Variants in NECTIN4 observed in about 807,000 individuals in gnomAD.
The protein encoded by NECTIN4 is nectin cell adhesion molecule 4.
A neutral mutation model predicts 51.7 loss-of-function variants in NECTIN4; 19 were observed. The observed-to-expected ratio is 0.37, with a 90% CI of 0.26 to 0.54. NECTIN4 has a LOEUF of 0.54. Ranked by LOEUF, NECTIN4 falls within the 20% of genes least tolerant of loss-of-function variation. The pLI is 0.86. For missense variants in NECTIN4, 619 were observed against 662.4 expected, an observed-to-expected ratio of 0.93 and a Z score of 0.72; for synonymous variants, 283 against 286.9, an observed-to-expected ratio of 0.99 and a Z score of 0.14.
chr1:161,073,224 C>G lies in NECTIN4; in HGVS notation c.1308+1G>C. Reference sequence around the variant, plus strand: ...GACACCGGTGGGGCCGGGGGCCTCACCATCACAGAGCAGCTACTGTTGTCC... The same window carrying G: ...GACACCGGTGGGGCCGGGGGCCTCAGCATCACAGAGCAGCTACTGTTGTCC... On this transcript the variant is annotated splice_donor_variant, in intron 8 of 8. Transcript: ENST00000368012. LOFTEE classifies it high-confidence loss of function. 6.2e-7 allele frequency: 1 copy of G among 1,613,850 alleles called. No homozygotes were observed. The highest frequency in any genetic ancestry group is 8.5e-7 in the Non-Finnish European group (1 of 1,179,756).
chr1:161,074,279 C>G lies in NECTIN4; in HGVS notation c.1095G>C (p.Val365=). 1 of 1,614,110 alleles carries G rather than the reference C, an allele frequency of 6.2e-7. No individual in the cohort carries two copies. Among genetic ancestry groups the G allele is most frequent in the Non-Finnish European group, 8.5e-7 (1 of 1,180,008 alleles). Reference sequence around the variant, plus strand: ...ATCGGGACATGAGCACCACCACCACCACCAGAAGGCAGAACAAGAGTGCGG... The same window carrying G: ...ATCGGGACATGAGCACCACCACCACGACCAGAAGGCAGAACAAGAGTGCGG... ...VIAALLFCLL[V]VVVVLMSRYH... The change falls in exon 6 of 9, where the codon GTG becomes GTC. Residue 365 remains valine, a synonymous_variant. Transcript: ENST00000368012.
chr1:161,089,535 C>T lies in NECTIN4; in HGVS notation c.-239G>A, dbSNP rs1446405758. On this transcript the variant is annotated 5_prime_UTR_variant, in exon 1 of 9. Transcript: ENST00000368012. The surrounding 1 kb of genome is among the most constrained non-coding windows in gnomAD (Gnocchi z 4.1). ...TCCGAGCTCCCCCAGAGCTGCTTCCCACGCTGTGGCCAACAACGACGGCAG... is the reference window on the plus strand; with the variant it reads ...TCCGAGCTCCCCCAGAGCTGCTTCCTACGCTGTGGCCAACAACGACGGCAG... 1 of 563,752 alleles carries T rather than the reference C, an allele frequency of 1.8e-6. No individual in the cohort carries two copies. Among genetic ancestry groups the T allele is most frequent in the African/African-American group, 1.9e-5 (1 of 52,978 alleles). The allele number at this position is 563,752 out of a possible 1,614,324, so 34.9% of individuals were successfully genotyped here.
rs1196547872 is a variant in NECTIN4, at chr1:161,072,702, C to T, written c.1492G>A (p.Gly498Ser). The T allele has an allele frequency of 2.5e-6, 4 of 1,614,080 alleles. No homozygotes were observed. In the South Asian group the frequency reaches 4.4e-5, roughly 18 times the overall value. ...ENGTLRAKPT[G>S]NGIYINGRGH... Reference sequence around the variant, plus strand: ...CGCCCATTGATGTAGATGCCATTGCCCGTGGGCTTGGCCCGTAGGGTCCCA... The same window carrying T: ...CGCCCATTGATGTAGATGCCATTGCTCGTGGGCTTGGCCCGTAGGGTCCCA... Residue 498 changes from glycine to serine, a missense_variant, in exon 9 of 9, where the codon GGC becomes AGC. By Grantham distance (56) the Gly-to-Ser change is moderately conservative. Transcript: ENST00000368012.
chr1:161,084,524 A>T (rs540484590), intron 1 of NECTIN4: 2 of 152,394 alleles, frequency 1.3e-5, no homozygotes, highest in Admixed American at 6.5e-5. Flanking sequence ...ACTTGAAGAC[A>T]TATTAATCTC....
At chr1:161,075,168 C>T (rs775569196) in intron 4 of NECTIN4, among the ~76,000 whole-genome samples, 17 of 152,202 alleles carry the variant, frequency 1.1e-4, no homozygotes, top group Non-Finnish European at 2.4e-4. Flanking sequence ...AAACATAGCC[C>T]CAGGCACAAG....
intron 1 of NECTIN4, among the ~76,000 whole-genome samples, chr1:161,082,639 C>A (rs1653737959): frequency 6.6e-6 from 1 of 152,030 alleles, no homozygotes; most frequent in African/African-American, 2.4e-5. Context: ...CCAGATGGGA[C>A]AGGATAGACC....
intron 7 of NECTIN4, 26 bp downstream of exon 7, chr1:161,073,694 T>A: frequency 6.2e-7 from 1 of 1,601,538 alleles, no homozygotes; most frequent in Non-Finnish European, 8.6e-7. Flanking sequence ...CACCCCTGCA[T>A]GCATACACCC....
chr1:161,081,264 G>T (rs963153538), intron 1 of NECTIN4, among the ~76,000 whole-genome samples: 7 of 152,114 alleles, frequency 4.6e-5, no homozygotes, highest in East Asian at 3.9e-4. Context: ...AGTCACTAAA[G>T]GTTCCTTAGC....
chr1:161,079,941 G>A lies in NECTIN4; in HGVS notation c.88C>T (p.Pro30Ser). ...TCTGAGGTCTCCAGCTCACCCGCGGGGCACCGGCCTGCAGGGGGCAGAGAG... is the reference window on the plus strand; with the variant it reads ...TCTGAGGTCTCCAGCTCACCCGCGGAGCACCGGCCTGCAGGGGGCAGAGAG... Reference protein sequence around the residue: ...LLLASFTGRCPAGELETSDVV... With the variant: ...LLLASFTGRCSAGELETSDVV... The change falls in exon 2 of 9, where the codon CCC becomes TCC. Residue 30 changes from proline to serine, a missense_variant. Pro to Ser is a moderately conservative substitution (Grantham distance 74). Coordinates refer to ENST00000368012, the MANE Select transcript of NECTIN4 (RefSeq NM_030916.3). 1 of 1,602,528 alleles carries A rather than the reference G, an allele frequency of 6.2e-7. No homozygotes were observed. The highest frequency in any genetic ancestry group is 8.5e-7 in the Non-Finnish European group (1 of 1,171,928).
chr1:161,087,434 A>C (rs1653998276), intron 1 of NECTIN4: 1 of 151,540 alleles, frequency 6.6e-6, no homozygotes, highest in Non-Finnish European at 1.5e-5. Context: ...TAGTAAGAAC[A>C]GTTTTGCCAT....
intron 5 of NECTIN4, 116 bp downstream of exon 5, chr1:161,074,495 G>A: frequency 6.4e-7 from 1 of 1,572,398 alleles, no homozygotes; most frequent in Non-Finnish European, 8.8e-7. Flanking sequence ...AAGACACACA[G>A]CCCAGCCCCC....
chr1:161,078,633 A>G (rs896340920), intron 2 of NECTIN4, among the ~76,000 whole-genome samples: 5 of 152,030 alleles, frequency 3.3e-5, no homozygotes, highest in African/African-American at 4.8e-5. Context: ...TTACCTTCAA[A>G]ATATTAACAC....
At chr1:161,076,551 C>G in intron 3 of NECTIN4, 76 bp from the exon 4 acceptor site, 1 of 1,590,714 alleles carries the variant, frequency 6.3e-7, no homozygotes, top group Non-Finnish European at 8.6e-7. Flanking sequence ...GCCCTGCCCC[C>G]ACCCCACCCT....
chr1:161,072,182 C>T lies in NECTIN4; in HGVS notation c.*479G>A, dbSNP rs1653196811. 3.8e-6 allele frequency: 1 copy of T among 260,580 alleles called. No homozygotes were observed. Among genetic ancestry groups the T allele is most frequent in the Non-Finnish European group, 7.6e-6 (1 of 130,810 alleles). The allele number at this position is 260,580 out of a possible 1,614,324, so 16.1% of individuals were successfully genotyped here. On this transcript the variant is annotated 3_prime_UTR_variant, in exon 9 of 9. Coordinates refer to ENST00000368012, the MANE Select transcript of NECTIN4 (RefSeq NM_030916.3). ...TCTGAGCCACAGTCTCCACCTCTCT[C>T]CTCCAACCTCTGCATCATTAATACT...
In NECTIN4 at chr1:161,085,873, C is replaced by T. The variant is rs552512541; in HGVS notation, c.79+3345G>A. Among the ~76,000 whole-genome samples, 9 of 152,098 alleles carry T rather than the reference C, an allele frequency of 5.9e-5. No homozygotes were observed. The South Asian group carries it at 8.3e-4, about 14-fold the overall frequency. On this transcript the variant is annotated intron_variant, in intron 1 of 8. Coordinates refer to ENST00000368012, the MANE Select transcript of NECTIN4 (RefSeq NM_030916.3). Reference sequence around the variant, plus strand: ...CTAACTTTTGTATTTTTTGTAGAGACGGGATTTTGCCGTGTTGCCCAGGCT... The same window carrying T: ...CTAACTTTTGTATTTTTTGTAGAGATGGGATTTTGCCGTGTTGCCCAGGCT...
At chr1:161,085,697 C>CTTTTT (rs397798727) in intron 1 of NECTIN4, among the ~76,000 whole-genome samples, 2 of 133,904 alleles carry the variant, frequency 1.5e-5, no homozygotes, top group Admixed American at 7.7e-5. Flanking sequence ...TTCGCCTCCT[C>CTTTTT]TTTTTTTTTT....
intron 1 of NECTIN4, among the ~76,000 whole-genome samples, chr1:161,084,162 T>A (rs546930133): frequency 6.6e-6 from 1 of 152,282 alleles, no homozygotes; most frequent in East Asian, 1.9e-4. Context: ...TGTGAGGCTA[T>A]CTTCTTGCAT....
At chr1:161,075,080 C>T (rs1417822258) in intron 4 of NECTIN4, among the ~76,000 whole-genome samples, 2 of 152,272 alleles carry the variant, frequency 1.3e-5, no homozygotes, top group Non-Finnish European at 2.9e-5. Flanking sequence ...GGACACTCCA[C>T]TCCTAGCTGG....
In NECTIN4 at chr1:161,079,676, A is replaced by C. The variant is rs1333575564; in HGVS notation, c.353T>G (p.Val118Gly). 6.2e-7 allele frequency: 1 copy of C among 1,607,192 alleles called. No homozygotes were observed. The highest frequency in any genetic ancestry group is 8.5e-7 in the Non-Finnish European group (1 of 1,179,604). The change falls in exon 2 of 9, where the codon GTG becomes GGG. Residue 118 changes from valine to glycine, a missense_variant. This residue lies in a region of NECTIN4 where 218 missense variants were observed against 186.3 expected (regional missense o/e 1.17). Coordinates refer to ENST00000368012, the MANE Select transcript of NECTIN4 (RefSeq NM_030916.3). ...CTCGTACTCGCCCTCATCCGCCTGCACTGCGTTGCGCAGGAGCACTGAGCC... is the reference window on the plus strand; with the variant it reads ...CTCGTACTCGCCCTCATCCGCCTGCCCTGCGTTGCGCAGGAGCACTGAGCC... ...LDGSVLLRNA[V>G]QADEGEYECR... is the part of the protein sequence containing the mutation.
Sources: gnomAD v4.1 joint callset for allele counts (sites outside exome capture counted in the v4.1 genomes callset) on GRCh38, gnomAD v4.1.1 for gene constraint, gnomAD v4.1.1 regional missense constraint, Gnocchi (gnomAD v3.1) non-coding constraint, MANE v1.5 for transcripts, NCBI Gene and HGNC (gene_info 2026-07-23, HGNC 2026-07-21) for gene names.